PROCA1: variants seen among roughly 807,000 people sequenced by gnomAD.
The protein encoded by PROCA1 is protein PROCA1.
Under a neutral mutation model 23.2 loss-of-function variants are expected in PROCA1, and 22 were observed. The ratio of observed to expected loss-of-function variants is 0.95; its 90% CI spans 0.68 to 1.35. The LOEUF is 1.35. Ranked by LOEUF, PROCA1 falls within the 40% of genes most tolerant of loss-of-function variation. PROCA1 has a pLI of 0.00. For missense variants in PROCA1, 469 were observed against 459.8 expected (o/e 1.02, Z -0.18); for synonymous variants, 182 against 179.2 (o/e 1.02, Z -0.12).
At position 28,703,942 on chromosome 17, in the gene PROCA1, CTTT is replaced by C. The variant is rs761970519; in HGVS notation, c.708_710del (p.Lys240del). ...TGTCTTTCTCTTTTTCCTTTTTCTT[CTTT>C]ACCTTCTTGATCACCTTGCTGCCCT... On this transcript the variant is annotated inframe_deletion, in exon 5 of 5. Coordinates refer to ENST00000682792, the MANE Select transcript of PROCA1 (RefSeq NM_001366301.1). 3.7e-6 allele frequency: 6 copies of C among 1,612,378 alleles called. No homozygotes were observed. The South Asian group carries it at 5.5e-5, about 15-fold the overall frequency.
chr17:28,709,783 G>A (rs762036736), intron 1 of PROCA1, among the ~76,000 whole-genome samples: 8 of 151,160 alleles, frequency 5.3e-5, no homozygotes, highest in Middle Eastern at 3.5e-3. Flanking sequence ...GATCACTTGA[G>A]GTCCGGAGTT....
intron 1 of PROCA1, 46 bp from the exon 2 acceptor site, chr17:28,706,809 T>C (rs1278521296): frequency 3.1e-6 from 4 of 1,299,296 alleles, no homozygotes; most frequent in Non-Finnish European, 4.0e-6. Flanking sequence ...CCCCTCCCTG[T>C]GCCATTTATT....
chr17:28,710,936 A>T, intron 1 of PROCA1: 1 of 1,254,600 alleles, frequency 8.0e-7, no homozygotes. Flanking sequence ...CTCGACCTCG[A>T]GGCACTGGGG....
In PROCA1 at chr17:28,711,839, G is replaced by C. The variant is rs2032801885; in HGVS notation, c.-179C>G. The stretch of plus-strand genomic sequence containing the variant: ...GCCGGCCTCCCCAGCCCGGCTCCAG[G>C]CTGCGTAGTCTTCCCAGCTGGGTCT... On this transcript the variant is annotated 5_prime_UTR_variant, in exon 1 of 5. Transcript: ENST00000682792. 1 of 547,366 alleles carries C rather than the reference G, an allele frequency of 1.8e-6. No individual in the cohort carries two copies. The highest frequency in any genetic ancestry group is 3.1e-6 in the Non-Finnish European group (1 of 317,696). 33.9% of individuals were successfully genotyped at this position (547,366 alleles called of 1,614,324 possible). A position where few individuals can be genotyped will look rare whatever the true frequency, so the allele number is the denominator to read the frequency against.
At chr17:28,709,227 G>A (rs1349232411) in intron 1 of PROCA1, among the ~76,000 whole-genome samples, 1 of 152,234 alleles carries the variant, frequency 6.6e-6, no homozygotes, top group East Asian at 1.9e-4. Context: ...TTCTGTATGT[G>A]AAGCTCCACA....
At chr17:28,711,355 C>T (rs2032772213) in intron 1 of PROCA1, 2 of 567,802 alleles carry the variant, frequency 3.5e-6, no homozygotes, top group African/African-American at 4.0e-5. Flanking sequence ...GCCTCAGGAC[C>T]CCAGTCCTCA....
Position 28,704,727 on chromosome 17 carries a change from G to C in PROCA1, c.292C>G (p.His98Asp), listed in dbSNP as rs141862185. ...RHSLHLHSVN[H>D]CNCNSRLKDS... Reference sequence around the variant, plus strand: ...CCTCACCTAGAATTACAGTTGCAGTGGTTGACAGAGTGTAGGTGCAGGCTG... The same window carrying C: ...CCTCACCTAGAATTACAGTTGCAGTCGTTGACAGAGTGTAGGTGCAGGCTG... Residue 98 changes from histidine to aspartate, a missense_variant, in exon 3 of 5, where the codon CAC becomes GAC. Coordinates refer to ENST00000682792, the MANE Select transcript of PROCA1 (RefSeq NM_001366301.1). 1 of 1,614,136 alleles carries C rather than the reference G, an allele frequency of 6.2e-7. No individual in the cohort carries two copies. The highest frequency in any genetic ancestry group is 1.1e-5 in the South Asian group (1 of 91,086).
At chr17:28,706,513 G>A (rs1038072080) in intron 2 of PROCA1, 167 bp downstream of exon 2, 1 of 347,908 alleles carries the variant, frequency 2.9e-6, no homozygotes, top group African/African-American at 2.1e-5. Context: ...TTGCGGCCTT[G>A]AGAAAGGGGT....
chr17:28,710,920 G>C (rs1438494393), intron 1 of PROCA1: 1 of 1,302,454 alleles, frequency 7.7e-7, no homozygotes, highest in East Asian at 5.6e-5. Flanking sequence ...GGGCCGAGGA[G>C]CTCTCCTCGA....
chr17:28,710,906 T>A, intron 1 of PROCA1: 1 of 1,294,076 alleles, frequency 7.7e-7, no homozygotes, highest in South Asian at 1.2e-5. Context: ...CTCCCCGTCC[T>A]GCGGGGCCGA....
chr17:28,710,268 G>A (rs1023791661), intron 1 of PROCA1, among the ~76,000 whole-genome samples: 13 of 152,032 alleles, frequency 8.6e-5, no homozygotes, highest in African/African-American at 2.9e-4. Flanking sequence ...GGAGGCCGAG[G>A]TGGGCGGATC....
chr17:28,710,529 A>AAAAAAAG (rs1555553420), intron 1 of PROCA1, among the ~76,000 whole-genome samples: 1 of 142,214 alleles, frequency 7.0e-6, no homozygotes, highest in African/African-American at 2.6e-5. Context: ...AAAAAAAAAA[A>AAAAAAAG]GCACACATGC....
chr17:28,704,566 G>A (rs1475867049), intron 3 of PROCA1, 131 bp from the exon 4 acceptor site: 15 of 1,548,862 alleles, frequency 9.7e-6, no homozygotes, highest in African/African-American at 1.4e-5. Flanking sequence ...TTCTCTTAGA[G>A]CAGAGCAAGG....
Position 28,704,160 on chromosome 17 carries a change from G to A in PROCA1, c.493C>T (p.His165Tyr), listed in dbSNP as rs748342765. 2 of 1,546,466 alleles carry A rather than the reference G, an allele frequency of 1.3e-6. No individual in the cohort carries two copies. Among genetic ancestry groups the A allele is most frequent in the Non-Finnish European group, 1.7e-6 (2 of 1,151,846 alleles). ...SVAVIHHPLY[H>Y]ECGADDLNEE... The stretch of plus-strand genomic sequence containing the variant: ...TTTAGATCATCTGCCCCACACTCAT[G>A]GTAGAGTGGATGGTGGATCACTGCC... Residue 165 changes from histidine (H) to tyrosine (Y), a missense_variant, in exon 5 of 5, where the codon CAT (histidine) becomes TAT (tyrosine). His to Tyr is a moderately conservative substitution (Grantham distance 83). Coordinates refer to ENST00000682792, the MANE Select transcript of PROCA1 (RefSeq NM_001366301.1).
chr17:28,705,019 G>C, intron 2 of PROCA1, 176 bp from the exon 3 acceptor site: 1 of 612,240 alleles, frequency 1.6e-6, no homozygotes, highest in Non-Finnish European at 2.9e-6. Flanking sequence ...CCAGCAAAGT[G>C]TCTGGTTCCA....
At chr17:28,710,915 G>A (rs1455141025) in intron 1 of PROCA1, 3 of 1,299,524 alleles carry the variant, frequency 2.3e-6, no homozygotes, top group Non-Finnish European at 3.0e-6. Context: ...CTGCGGGGCC[G>A]AGGAGCTCTC....
intron 3 of PROCA1, 110 bp from the exon 4 acceptor site, chr17:28,704,545 C>A (rs751340503): frequency 6.5e-7 from 1 of 1,544,744 alleles, no homozygotes; most frequent in South Asian, 1.2e-5. Flanking sequence ...GCCAACAGAC[C>A]TCCTCCCCAT....
At position 28,704,399 on chromosome 17, in the gene PROCA1, C is replaced by G; in HGVS notation, c.348G>C (p.Arg116=). The G allele has an allele frequency of 6.2e-7, 1 of 1,613,878 alleles. No individual in the cohort carries two copies. Among genetic ancestry groups the G allele is most frequent in the African/African-American group, 1.3e-5 (1 of 75,044 alleles). ...KDSSEDSSSS[R]GAGPTCSHVI... The stretch of plus-strand genomic sequence containing the variant: ...CATGGGAGCAGGTTGGGCCCGCGCC[C>G]CGGGAGCTGCTGCTATCCTCTGAAG... Residue 116 remains arginine (R), a synonymous_variant, in exon 4 of 5, where the codon CGG becomes CGC. Coordinates refer to ENST00000682792, the MANE Select transcript of PROCA1 (RefSeq NM_001366301.1).
intron 1 of PROCA1, chr17:28,710,827 CGT>C (rs1567719498): frequency 7.7e-7 from 1 of 1,304,180 alleles, no homozygotes; most frequent in East Asian, 5.6e-5. Context: ...CGTCTTTCCC[CGT>C]GAGGCGTTAA....
Sources: allele counts gnomAD v4.1 joint callset (sites outside exome capture counted in the v4.1 genomes callset), GRCh38; gene constraint gnomAD v4.1.1; transcripts MANE v1.5; gene names NCBI Gene and HGNC (gene_info 2026-07-23, HGNC 2026-07-21).